DLEU7: variants seen among roughly 807,000 people sequenced by gnomAD.
The protein encoded by DLEU7 is leukemia-associated protein 7.
A neutral mutation model predicts 16.0 loss-of-function variants in DLEU7; 17 were observed. That is an observed-to-expected ratio of 1.06 (90% CI 0.73 to 1.59). The LOEUF (loss-of-function observed/expected upper bound fraction) is 1.59. Ranked by LOEUF, DLEU7 falls within the 40% of genes most tolerant of loss-of-function variation. DLEU7 has a pLI of 0.00. For missense variants in DLEU7, 308 were observed against 314.9 expected, an observed-to-expected ratio of 0.98 and a Z score of 0.17; for synonymous variants, 113 against 139.8, an observed-to-expected ratio of 0.81 and a Z score of 1.35.
intron 1 of DLEU7, among the ~76,000 whole-genome samples, chr13:50,772,799 T>G (rs1268172129): frequency 6.6e-6 from 1 of 152,206 alleles, no homozygotes; most frequent in Non-Finnish European, 1.5e-5. Context: ...TTTCCTGAAT[T>G]TGAATGTTGG....
chr13:50,774,709 C>T (rs1349673409), intron 1 of DLEU7, among the ~76,000 whole-genome samples: 2 of 151,754 alleles, frequency 1.3e-5, no homozygotes, highest in Non-Finnish European at 2.9e-5. Context: ...TCTCTCCTCT[C>T]CTTCTTAAAT....
At chr13:50,718,668 C>G (rs956319838) in intron 1 of DLEU7, among the ~76,000 whole-genome samples, 1 of 152,232 alleles carries the variant, frequency 6.6e-6, no homozygotes, top group Non-Finnish European at 1.5e-5. Context: ...ACCAAACACT[C>G]TCTTTTGCTA....
At chr13:50,814,660 C>T (rs1275385284) in intron 1 of DLEU7, among the ~76,000 whole-genome samples, 1 of 117,998 alleles carries the variant, frequency 8.5e-6, no homozygotes, top group African/African-American at 3.3e-5. Context: ...TTATACAAAT[C>T]TATACACTAC....
intron 1 of DLEU7, among the ~76,000 whole-genome samples, chr13:50,785,769 C>T (rs1452413436): frequency 6.6e-6 from 1 of 152,142 alleles, no homozygotes; most frequent in East Asian, 1.9e-4. Flanking sequence ...ATGGGAAGTA[C>T]CAGTTTTCTC....
Position 50,775,282 on chromosome 13 carries a change from T to C in DLEU7, c.460-62042A>G, listed in dbSNP as rs909090647. Among the ~76,000 whole-genome samples, 13 of 152,140 alleles carry C rather than the reference T, an allele frequency of 8.5e-5. No individual in the cohort carries two copies. The East Asian group carries it at 9.6e-4, about 11-fold the overall frequency. On this transcript the variant is annotated intron_variant, in intron 1 of 1. Coordinates refer to the DLEU7 transcript ENST00000400393. ...TAGCTAAATTACAGGCAGATGAACT[T>C]GATTTATGAAGCTTGGTTTTAGGCT...
chr13:50,746,428 T>A (rs1874398123), intron 1 of DLEU7, among the ~76,000 whole-genome samples: 1 of 152,204 alleles, frequency 6.6e-6, no homozygotes, highest in African/African-American at 2.4e-5. Flanking sequence ...GTGGCCTTAT[T>A]CTTCCATCAC....
chr13:50,819,656 A>G (rs1402426018), downstream of DLEU7, among the ~76,000 whole-genome samples: 1 of 152,184 alleles, frequency 6.6e-6, no homozygotes, highest in African/African-American at 2.4e-5. Context: ...AGGGAAGTCA[A>G]GGATGTCGCT....
At position 50,779,593 on chromosome 13, in the gene DLEU7, G is replaced by A. The variant is rs552666197; in HGVS notation, c.459+63595C>T. Among the ~76,000 whole-genome samples the A allele has an allele frequency of 1.5e-3, 221 of 152,256 alleles. 1 individual carries two copies. Among genetic ancestry groups the A allele is most frequent in the African/African-American group, 4.0e-3 (166 of 41,552 alleles). On this transcript the variant is annotated intron_variant, in intron 1 of 1. Transcript: ENST00000400393. ...AGGCACTCCATCACAGCCACCTCGG[G>A]AAAACCAGATACCTGCAGCCCCATG... is the stretch of plus-strand genomic sequence containing the variant.
In DLEU7 at chr13:50,740,569, A is replaced by C. The variant is rs567885967; in HGVS notation, c.460-27329T>G. Among the ~76,000 whole-genome samples, 15 of 152,250 alleles carry C rather than the reference A, an allele frequency of 9.9e-5. No individual in the cohort carries two copies. The East Asian group carries it at 2.7e-3, about 27-fold the overall frequency. ...TCACTACCATTCCACTCAAGACTAC[A>C]CATGAGCTGAAATCTATTTGCTGTC... On this transcript the variant is annotated intron_variant, in intron 1 of 1. Coordinates refer to the DLEU7 transcript ENST00000400393.
intron 1 of DLEU7, among the ~76,000 whole-genome samples, chr13:50,802,965 C>T (rs868455547): frequency 7.9e-5 from 12 of 152,094 alleles, no homozygotes; most frequent in Non-Finnish European, 1.5e-4. Context: ...TTTTATCACA[C>T]GGCACTTCAT....
intron 1 of DLEU7, among the ~76,000 whole-genome samples, chr13:50,786,894 C>A (rs1180239393): frequency 6.6e-6 from 1 of 152,042 alleles, no homozygotes; most frequent in African/African-American, 2.4e-5. Context: ...CTGAGGTTCT[C>A]GGTTTCCCTG....
chr13:50,836,703 A>G (rs1877479486), intron 1 of DLEU7, among the ~76,000 whole-genome samples: 1 of 151,864 alleles, frequency 6.6e-6, no homozygotes, highest in Non-Finnish European at 1.5e-5. Flanking sequence ...AGAAAAAAAG[A>G]AAGAGAGAAA....
intron 1 of DLEU7, among the ~76,000 whole-genome samples, chr13:50,814,302 A>G (rs1027610083): frequency 6.6e-6 from 1 of 152,014 alleles, no homozygotes; most frequent in Non-Finnish European, 1.5e-5. Flanking sequence ...CGAATCATCT[A>G]TCCACCCATC....
In DLEU7 at chr13:50,823,200, T is replaced by A; in HGVS notation, c.*114A>T. ...TCAGACTGCTCCACGTACCATCAAG[T>A]CTTTCCCCTTTGGATATAAAAATAT... On this transcript the variant is annotated 3_prime_UTR_variant, in exon 2 of 2. Coordinates refer to ENST00000504404, the MANE Select transcript of DLEU7 (RefSeq NM_001306135.2). The A allele has an allele frequency of 6.7e-7, 1 of 1,484,480 alleles. No individual in the cohort carries two copies. Among genetic ancestry groups the A allele is most frequent in the Non-Finnish European group, 9.0e-7 (1 of 1,117,156 alleles). The allele number at this position is 1,484,480 out of a possible 1,614,324, so 92.0% of individuals were successfully genotyped here.
intron 1 of DLEU7, among the ~76,000 whole-genome samples, chr13:50,766,196 C>T (rs945108599): frequency 1.3e-5 from 2 of 152,190 alleles, no homozygotes. Context: ...GTAAAAGCAA[C>T]AGGGCTCACT....
At position 50,725,200 on chromosome 13, in the gene DLEU7, AC is replaced by A. The variant is rs568524706; in HGVS notation, c.460-11961del. On this transcript the variant is annotated intron_variant, in intron 1 of 1. Coordinates refer to the DLEU7 transcript ENST00000400393. ...AGTGTCTGCAAAAGAAAGCCCACTGACCCAAAGAGAAGGGAATCCAGGTCCC... is the reference window on the plus strand; with the variant it reads ...AGTGTCTGCAAAAGAAAGCCCACTGACCAAAGAGAAGGGAATCCAGGTCCC... Among the ~76,000 whole-genome samples, 14 of 152,164 alleles carry A rather than the reference AC, an allele frequency of 9.2e-5. 1 individual carries two copies. In the South Asian group the frequency reaches 2.9e-3, roughly 32 times the overall value.
chr13:50,713,301 T>G, intron 1 of DLEU7: 6 of 1,561,402 alleles, frequency 3.8e-6, no homozygotes, highest in Non-Finnish European at 5.2e-6. Flanking sequence ...ATTCATTGAT[T>G]CAACAATTAT....
intron 1 of DLEU7, among the ~76,000 whole-genome samples, chr13:50,749,072 A>G (rs903925222): frequency 3.1e-5 from 4 of 130,580 alleles, no homozygotes; most frequent in African/African-American, 1.2e-4. Flanking sequence ...CCCAAAATCC[A>G]TTGTACCATT....
intron 1 of DLEU7, among the ~76,000 whole-genome samples, chr13:50,755,326 T>A (rs1040726523): frequency 6.6e-6 from 1 of 152,204 alleles, no homozygotes; most frequent in Admixed American, 6.5e-5. Flanking sequence ...AGAACACCGA[T>A]TATTCTTAGG....
Sources: gnomAD v4.1 joint callset for allele counts (sites outside exome capture counted in the v4.1 genomes callset) on GRCh38, gnomAD v4.1.1 for gene constraint, MANE v1.5 for transcripts, NCBI Gene and HGNC (gene_info 2026-07-23, HGNC 2026-07-21) for gene names.